LUZP2: variants seen among roughly 807,000 people sequenced by gnomAD.
The protein encoded by LUZP2 is leucine zipper protein 2.
In LUZP2, 52 loss-of-function variants were observed where a neutral mutation model predicts 51.6. That is an observed-to-expected ratio of 1.01 (90% CI 0.81 to 1.27). The LOEUF is 1.27. LUZP2 is among the 50% of genes most tolerant of loss of function. The probability of loss-of-function intolerance (pLI) is 0.00; values close to 1 mark genes in which losing one functional copy is unlikely to be tolerated. For synonymous variants in LUZP2, 154 were observed against 137.3 expected (o/e 1.12, Z -0.85); for missense variants, 436 against 395.4 (o/e 1.10, Z -0.87).
chr11:25,074,874 T>G (rs1278847623), intron 10 of LUZP2, among the ~76,000 whole-genome samples: 1 of 152,160 alleles, frequency 6.6e-6, no homozygotes, highest in African/African-American at 2.4e-5. Flanking sequence ...ATAAGATTTC[T>G]GAGAAGAACT....
At chr11:24,798,605 G>A (rs1415549584) in intron 5 of LUZP2, among the ~76,000 whole-genome samples, 2 of 152,126 alleles carry the variant, frequency 1.3e-5, no homozygotes, top group Non-Finnish European at 2.9e-5. Context: ...GCACACAAGG[G>A]ACATTTAGTC....
intron 4 of LUZP2, among the ~76,000 whole-genome samples, chr11:24,742,009 TA>T (rs1229202046): frequency 1.6e-5 from 2 of 125,962 alleles, no homozygotes; most frequent in Non-Finnish European, 3.1e-5. Flanking sequence ...ATATTATATA[TA>T]AATATAATTA....
chr11:24,672,681 T>C (rs907981136), intron 1 of LUZP2, among the ~76,000 whole-genome samples: 2 of 152,198 alleles, frequency 1.3e-5, no homozygotes, highest in Non-Finnish European at 2.9e-5. Context: ...ATTTCGTCCT[T>C]GTGCAAAAAT....
At chr11:24,834,158 A>G (rs1170482485) in intron 5 of LUZP2, among the ~76,000 whole-genome samples, 2 of 151,886 alleles carry the variant, frequency 1.3e-5, no homozygotes, top group Non-Finnish European at 2.9e-5. Flanking sequence ...TACATGTGCT[A>G]TGGTGGTTTG....
At chr11:24,646,390 G>T (rs1220117468) in intron 1 of LUZP2, among the ~76,000 whole-genome samples, 1 of 152,040 alleles carries the variant, frequency 6.6e-6, no homozygotes, top group Non-Finnish European at 1.5e-5. Flanking sequence ...GTATGGTTTA[G>T]TTTACTTACT....
chr11:24,865,604 C>T (rs1484404087), intron 5 of LUZP2, among the ~76,000 whole-genome samples: 2 of 152,130 alleles, frequency 1.3e-5, no homozygotes, highest in Admixed American at 6.6e-5. Flanking sequence ...GTCTGTCTCA[C>T]TCCCTCTCTC....
intron 1 of LUZP2, among the ~76,000 whole-genome samples, chr11:24,599,815 A>G (rs1339008863): frequency 6.6e-6 from 1 of 152,182 alleles, no homozygotes; most frequent in Non-Finnish European, 1.5e-5. Context: ...TTTGAAAAGT[A>G]CGTAAAAAAA....
chr11:24,738,234 T>G lies in LUZP2; in HGVS notation c.265T>G (p.Ser89Ala), dbSNP rs115629840. Reference sequence around the variant, plus strand: ...CTACTAAAATAGAGAAGAAATGAAGTCTCTTCAGGAGGCCCTGCAAAATCA... The same window carrying G: ...CTACTAAAATAGAGAAGAAATGAAGGCTCTTCAGGAGGCCCTGCAAAATCA... ...LGQKQREEMK[S>A]LQEALQNQLK... is the part of the protein sequence containing the mutation. The change falls in exon 4 of 12, where the codon TCT (serine) becomes GCT (alanine). Residue 89 changes from serine to alanine, a missense_variant. Transcript: ENST00000336930. 1.0e-3 allele frequency: 1,673 copies of G among 1,608,696 alleles called. 13 individuals carry two copies. The African/African-American group carries it at 0.015, about 14-fold the overall frequency.
intron 9 of LUZP2, among the ~76,000 whole-genome samples, chr11:25,042,682 A>G (rs890683791): frequency 6.6e-6 from 1 of 152,148 alleles, no homozygotes; most frequent in Non-Finnish European, 1.5e-5. Context: ...TTTCTAGGGG[A>G]GAATCCATTC....
chr11:24,950,823 T>C (rs1262910021), intron 7 of LUZP2, among the ~76,000 whole-genome samples: 1 of 151,546 alleles, frequency 6.6e-6, no homozygotes, highest in Non-Finnish European at 1.5e-5. Context: ...GAAGGAAATC[T>C]CAGTGAGGAA....
At chr11:24,531,785 G>T (rs1299106312) in intron 1 of LUZP2, among the ~76,000 whole-genome samples, 1 of 150,882 alleles carries the variant, frequency 6.6e-6, no homozygotes, top group Non-Finnish European at 1.5e-5. Context: ...GCCAAAATAT[G>T]CAGCCATTTC....
intron 9 of LUZP2, among the ~76,000 whole-genome samples, chr11:25,047,679 T>C (rs1470578524): frequency 6.6e-6 from 1 of 152,190 alleles, no homozygotes; most frequent in Non-Finnish European, 1.5e-5. Context: ...GTTGTTGCCA[T>C]ATACCTGGTC....
At chr11:25,057,573 G>A (rs1346248424) in intron 10 of LUZP2, among the ~76,000 whole-genome samples, 1 of 152,100 alleles carries the variant, frequency 6.6e-6, no homozygotes, top group African/African-American at 2.4e-5. Context: ...TTGTTTAATA[G>A]CATATCAAGA....
rs546917440 is a variant in LUZP2 at position 24,672,603 on chromosome 11, TGTTCATTGAAATATG to T, written c.63-56563_63-56549del. 3.9e-5 allele frequency among the ~76,000 whole-genome samples: 6 copies of T among 152,334 alleles called. No homozygotes were observed. In the South Asian group the frequency reaches 1.2e-3, roughly 32 times the overall value. On this transcript the variant is annotated intron_variant, in intron 1 of 11. Coordinates refer to ENST00000336930, the MANE Select transcript of LUZP2 (RefSeq NM_001009909.4). ...AAAAAACTACTGTCTTTGCTTTCTG[TGTTCATTGAAATATG>T]GTCATGCATCTTTAGCTACAAGGAT...
chr11:25,006,656 G>A (rs12420060), intron 9 of LUZP2, among the ~76,000 whole-genome samples: 54,264 of 151,986 alleles, frequency 0.36, 12,280 homozygotes, highest in Non-Finnish European at 0.49. Context: ...AATAGCAAGC[G>A]AAAGGAGTCC....
intron 4 of LUZP2, among the ~76,000 whole-genome samples, chr11:24,746,934 T>G (rs1859404200): frequency 6.6e-6 from 1 of 152,208 alleles, no homozygotes; most frequent in South Asian, 2.1e-4. Context: ...TCTATTTCCT[T>G]GAATATTTCT....
At chr11:25,024,430 A>T (rs1857425181) in intron 9 of LUZP2, among the ~76,000 whole-genome samples, 2 of 152,172 alleles carry the variant, frequency 1.3e-5, no homozygotes, top group African/African-American at 4.8e-5. Flanking sequence ...CCTGAAGCTG[A>T]TAAGCAACTT....
intron 1 of LUZP2, among the ~76,000 whole-genome samples, chr11:24,553,336 C>T (rs549800211): frequency 2.6e-5 from 4 of 151,642 alleles, no homozygotes; most frequent in African/African-American, 9.7e-5. Context: ...TTAGAACCTA[C>T]ATGGATTAAA....
intron 5 of LUZP2, among the ~76,000 whole-genome samples, chr11:24,795,622 A>G (rs1849524935): frequency 6.6e-6 from 1 of 152,098 alleles, no homozygotes. Context: ...GTAACTCCCA[A>G]ACCTGAGCTT....
Sources: gnomAD v4.1 joint callset for allele counts (sites outside exome capture counted in the v4.1 genomes callset) on GRCh38, gnomAD v4.1.1 for gene constraint, MANE v1.5 for transcripts, NCBI Gene and HGNC (gene_info 2026-07-23, HGNC 2026-07-21) for gene names.